Variants in PNLDC1 observed in about 807,000 individuals in gnomAD.
PNLDC1 encodes the protein poly(A)-specific ribonuclease PNLDC1.
A neutral mutation model predicts 82.0 loss-of-function variants in PNLDC1; 70 were observed. The observed-to-expected ratio is 0.85, with a 90% confidence interval of 0.70 to 1.04. The LOEUF (loss-of-function observed/expected upper bound fraction) is 1.04. Ranked by LOEUF, PNLDC1 falls within the 50% of genes least tolerant of loss-of-function variation. The pLI, the probability that PNLDC1 is intolerant of heterozygous loss-of-function variation, is 0.00. For missense variants in PNLDC1, 631 were observed against 661.1 expected (o/e 0.95, Z 0.50); for synonymous variants, 280 against 249.3 (o/e 1.12, Z -1.16).
intron 12 of PNLDC1, among the ~76,000 whole-genome samples, chr6:159,813,930 C>T (rs1477111399): frequency 1.3e-5 from 2 of 152,148 alleles, no homozygotes; most frequent in African/African-American, 2.4e-5. Flanking sequence ...TTGTCTCGCC[C>T]CTGTCACCAG....
rs1781723187 is a variant in PNLDC1 at position 159,813,794 on chromosome 6, C to G, written c.995+138C>G. 4.2e-6 allele frequency: 3 copies of G among 720,162 alleles called. No homozygotes were observed. In the Admixed American group the frequency reaches 7.0e-5, roughly 17 times the overall value. The allele number at this position is 720,162 out of a possible 1,614,324, so 44.6% of individuals were successfully genotyped here. A position where few individuals can be genotyped will look rare whatever the true frequency, so the allele number is the denominator to read the frequency against. Reference sequence around the variant, plus strand: ...GGGACTTGGTCTCCTCCAGCTCCTCCTGCTTCATGGCCCCCTTCCTCCGAT... The same window carrying G: ...GGGACTTGGTCTCCTCCAGCTCCTCGTGCTTCATGGCCCCCTTCCTCCGAT... On this transcript the variant is annotated intron_variant, in intron 12 of 18. Transcript: ENST00000392167.
chr6:159,808,836 G>T lies in PNLDC1; in HGVS notation c.639+20G>T. The T allele has an allele frequency of 1.2e-6, 2 of 1,612,766 alleles. No homozygotes were observed. Among genetic ancestry groups the T allele is most frequent in the Non-Finnish European group, 8.5e-7 (1 of 1,178,856 alleles). ...GAGGGGGTGAGTTCTCACTGCGAACGGGGCATCAGTGGCTCCATTGTTTCT... is the reference window on the plus strand; with the variant it reads ...GAGGGGGTGAGTTCTCACTGCGAACTGGGCATCAGTGGCTCCATTGTTTCT... On this transcript the variant is annotated intron_variant, in intron 8 of 18. Transcript: ENST00000392167.
intron 12 of PNLDC1, among the ~76,000 whole-genome samples, chr6:159,815,163 T>C (rs931557004): frequency 6.6e-6 from 1 of 152,272 alleles, no homozygotes; most frequent in African/African-American, 2.4e-5. Flanking sequence ...GACTTGACCC[T>C]GTAAGTCTCT....
At chr6:159,810,489 A>T (rs1440772292) in intron 10 of PNLDC1, among the ~76,000 whole-genome samples, 1 of 152,100 alleles carries the variant, frequency 6.6e-6, no homozygotes, top group African/African-American at 2.4e-5. Flanking sequence ...CACTTACCCA[A>T]AGCATTATTT....
chr6:159,808,671 G>A, intron 7 of PNLDC1, 69 bp from the exon 8 acceptor site: 5 of 1,423,294 alleles, frequency 3.5e-6, no homozygotes, highest in Non-Finnish European at 4.9e-6. Flanking sequence ...TGCTCCTCCA[G>A]GGCTTCTCTT....
chr6:159,800,788 C>T lies in PNLDC1; in HGVS notation c.93C>T (p.Phe31=), dbSNP rs748226851. The change falls in exon 2 of 19, where the codon TTC becomes TTT. Residue 31 remains phenylalanine (F), a synonymous_variant. Transcript: ENST00000392167. ...EADFVGLDIE[F]TGLRSNLSGP... is the part of the protein sequence containing the mutation. ...TCCTGGCAGGTCTGGACATAGAGTT[C>T]ACGGGCCTTCGTTCTAACCTGTCTG... 4 of 1,614,092 alleles carry T rather than the reference C, an allele frequency of 2.5e-6. No homozygotes were observed. The highest frequency in any genetic ancestry group is 3.4e-6 in the Non-Finnish European group (4 of 1,180,050).
In PNLDC1 at chr6:159,817,220, C is replaced by T. The variant is rs1781865371; in HGVS notation, c.1157+69C>T. ...GGATTTATTGAGCCCTTGCTGGAAG[C>T]CAACACCTCTCCAGTCCCAGGGTTC... On this transcript the variant is annotated intron_variant, in intron 15 of 18. Coordinates refer to ENST00000392167, the MANE Select transcript of PNLDC1 (RefSeq NM_001271862.2). The T allele has an allele frequency of 8.0e-6, 11 of 1,369,058 alleles. No homozygotes were observed. In the East Asian group the frequency reaches 2.5e-4, roughly 31 times the overall value. 84.8% of individuals were successfully genotyped at this position (1,369,058 alleles called of 1,614,324 possible).
chr6:159,802,597 G>T (rs1414067857), intron 3 of PNLDC1, among the ~76,000 whole-genome samples: 6 of 151,640 alleles, frequency 4.0e-5, no homozygotes, highest in African/African-American at 1.5e-4. Flanking sequence ...TTGGGGGGAA[G>T]GGGGACAGAG....
intron 6 of PNLDC1, among the ~76,000 whole-genome samples, chr6:159,805,112 T>TA (rs1330331519): frequency 2.0e-5 from 3 of 152,362 alleles, no homozygotes; most frequent in Non-Finnish European, 4.4e-5. Context: ...GTGTCTGCCC[T>TA]GCTGTGCCTG....
intron 15 of PNLDC1, among the ~76,000 whole-genome samples, 170 bp from the exon 16 acceptor site, chr6:159,818,385 T>G (rs577105974): frequency 4.1e-4 from 62 of 152,282 alleles, no homozygotes; most frequent in African/African-American, 1.4e-3. Context: ...CTTTTAGACT[T>G]GCCAGCTGGG....
intron 9 of PNLDC1, among the ~76,000 whole-genome samples, 176 bp downstream of exon 9, chr6:159,809,334 G>T (rs1781566818): frequency 6.6e-6 from 1 of 152,160 alleles, no homozygotes. Flanking sequence ...AGGCAGGAAG[G>T]AGTGCAGTGG....
chr6:159,810,149 AG>A, intron 10 of PNLDC1, 54 bp downstream of exon 10: 1 of 1,505,828 alleles, frequency 6.6e-7, no homozygotes. Flanking sequence ...CATCTGGCAG[AG>A]GGATTGGTAC....
chr6:159,800,607 C>G (rs1287967673), intron 1 of PNLDC1, 165 bp from the exon 2 acceptor site: 2 of 1,565,774 alleles, frequency 1.3e-6, no homozygotes, highest in East Asian at 2.2e-5. Flanking sequence ...GCCCAGGTGC[C>G]TGGCTGCTCC....
chr6:159,819,603 C>T lies in PNLDC1; in HGVS notation c.1532+251C>T, dbSNP rs141319483. ...GCAGAAAATCCCTGCTCTCGTGGAG[C>T]TCACGTGCTGGGGGAGACAAACAGG... is the stretch of plus-strand genomic sequence containing the variant. On this transcript the variant is annotated intron_variant, in intron 18 of 18. Transcript: ENST00000392167. This position sits in a 1 kb window ranked among gnomAD's most constrained non-coding sequence, Gnocchi z 4.6. Among the ~76,000 whole-genome samples, 2 of 152,222 alleles carry T rather than the reference C, an allele frequency of 1.3e-5. No individual in the cohort carries two copies. The highest frequency in any genetic ancestry group is 3.8e-4 in the East Asian group (2 of 5,202).
At chr6:159,816,490 C>T in intron 13 of PNLDC1, 53 bp from the exon 14 acceptor site, 3 of 1,515,620 alleles carry the variant, frequency 2.0e-6, no homozygotes, top group Admixed American at 1.7e-5. Flanking sequence ...TAGGATGGGG[C>T]GTGTTTCTAA....
At chr6:159,800,742 G>T (rs763629906) in intron 1 of PNLDC1, 30 bp from the exon 2 acceptor site, 1 of 1,614,198 alleles carries the variant, frequency 6.2e-7, no homozygotes. Flanking sequence ...TTCTGCACCC[G>T]AGGACTGCTA....
chr6:159,810,892 C>G (rs1443101784), intron 10 of PNLDC1, among the ~76,000 whole-genome samples: 1 of 152,188 alleles, frequency 6.6e-6, no homozygotes, highest in Non-Finnish European at 1.5e-5. Context: ...ATTAATAATA[C>G]ACATTCACCA....
chr6:159,819,625 C>T lies in PNLDC1; in HGVS notation c.1532+273C>T, dbSNP rs1404927476. Among the ~76,000 whole-genome samples, 1 of 152,176 alleles carries T rather than the reference C, an allele frequency of 6.6e-6. No homozygotes were observed. The highest frequency in any genetic ancestry group is 2.4e-5 in the African/African-American group (1 of 41,440). On this transcript the variant is annotated intron_variant, in intron 18 of 18. Coordinates refer to ENST00000392167, the MANE Select transcript of PNLDC1 (RefSeq NM_001271862.2). This position sits in a 1 kb window ranked among gnomAD's most constrained non-coding sequence, Gnocchi z 4.6. ...GAGCTCACGTGCTGGGGGAGACAAA[C>T]AGGATAAACAAATGGACCCTATAAT... is the stretch of plus-strand genomic sequence containing the variant.
At chr6:159,808,357 A>G (rs1323740487) in intron 7 of PNLDC1, among the ~76,000 whole-genome samples, 1 of 152,202 alleles carries the variant, frequency 6.6e-6, no homozygotes, top group Non-Finnish European at 1.5e-5. Flanking sequence ...TTTGTTTTAG[A>G]AAATAGTTAT....
Sources: allele counts gnomAD v4.1 joint callset (sites outside exome capture counted in the v4.1 genomes callset), GRCh38; gene constraint gnomAD v4.1.1; non-coding constraint Gnocchi (gnomAD v3.1); transcripts MANE v1.5; gene names NCBI Gene and HGNC (gene_info 2026-07-23, HGNC 2026-07-21).